The following RANBP2 variants were observed in gnomAD, a reference collection of about 807,000 sequenced individuals.
RANBP2 encodes RAN binding protein 2.
Under a neutral mutation model 303.6 loss-of-function variants are expected in RANBP2, and 57 were observed. That is an observed-to-expected ratio of 0.19 (90% CI 0.15 to 0.23). RANBP2 has a LOEUF of 0.23. Ranked by LOEUF, RANBP2 falls within the 10% of genes least tolerant of loss-of-function variation. The pLI, the probability that RANBP2 is intolerant of heterozygous loss-of-function variation, is 1.00. For missense variants in RANBP2, 3,138 were observed against 3,780.8 expected (o/e 0.83, Z 4.46); for synonymous variants, 1,167 against 1,301.5 (o/e 0.90, Z 2.23).
chr2:109,734,137 C>A, the RANBP2 span, among the ~76,000 whole-genome samples: 1 of 149,156 alleles, frequency 6.7e-6, no homozygotes. Context: ...TGAGATCATG[C>A]CATTGCACTC....
the RANBP2 span, among the ~76,000 whole-genome samples, chr2:109,683,053 T>C: frequency 6.6e-6 from 1 of 152,314 alleles, no homozygotes; most frequent in Admixed American, 6.5e-5. Context: ...TTGCCCAGGC[T>C]GGAGTGCAGT....
chr2:109,069,006 T>C, the RANBP2 span, among the ~76,000 whole-genome samples: 1 of 152,230 alleles, frequency 6.6e-6, no homozygotes, highest in African/African-American at 2.4e-5. Context: ...ATGGCACTCC[T>C]CCCTTAGACA....
chr2:109,186,737 G>A, the RANBP2 span, among the ~76,000 whole-genome samples: 1,286 of 152,252 alleles, frequency 8.4e-3, 5 homozygotes, highest in Non-Finnish European at 0.014. Context: ...TTTTCTTGGG[G>A]TACTCTGAGG....
At chr2:109,372,676 C>T in the RANBP2 span, among the ~76,000 whole-genome samples, 9 of 152,202 alleles carry the variant, frequency 5.9e-5, no homozygotes, top group Non-Finnish European at 1.5e-5. Context: ...GGCCTCTTGG[C>T]CCTAGACTCA....
the RANBP2 span, among the ~76,000 whole-genome samples, chr2:108,899,309 A>G: frequency 6.6e-6 from 1 of 152,250 alleles, no homozygotes; most frequent in Non-Finnish European, 1.5e-5. Flanking sequence ...CCAGAGTTGC[A>G]TACCAGGTTG....
At chr2:109,036,820 C>T in the RANBP2 span, among the ~76,000 whole-genome samples, 1 of 152,066 alleles carries the variant, frequency 6.6e-6, no homozygotes, top group Admixed American at 6.6e-5. Context: ...CTAGCCTGGG[C>T]AACATGGCAA....
chr2:109,117,494 A>G, the RANBP2 span, among the ~76,000 whole-genome samples: 1 of 152,242 alleles, frequency 6.6e-6, no homozygotes, highest in Non-Finnish European at 1.5e-5. Flanking sequence ...GGAAAAGTGC[A>G]GTATTAGGGT....
At chr2:109,599,271 A>G in the RANBP2 span, among the ~76,000 whole-genome samples, 2 of 152,082 alleles carry the variant, frequency 1.3e-5, no homozygotes, top group Non-Finnish European at 2.9e-5. Context: ...CAGCCTGGCC[A>G]ACATGGTGAA....
the RANBP2 span, among the ~76,000 whole-genome samples, chr2:108,844,440 C>T: frequency 1.2e-4 from 18 of 152,058 alleles, no homozygotes; most frequent in Non-Finnish European, 1.8e-4. Context: ...TCTGTGTCTT[C>T]GATGAGATTT....
chr2:109,025,224 T>G, the RANBP2 span, among the ~76,000 whole-genome samples: 43 of 152,376 alleles, frequency 2.8e-4, no homozygotes, highest in Non-Finnish European at 5.4e-4. Context: ...TATTCCATTG[T>G]GTGGACATAC....
chr2:109,698,322 C>T, the RANBP2 span, among the ~76,000 whole-genome samples: 1 of 151,466 alleles, frequency 6.6e-6, no homozygotes, highest in African/African-American at 2.4e-5. Flanking sequence ...TTCTCTTAGC[C>T]AGGTGTGGTG....
chr2:109,185,263 G>A, the RANBP2 span, among the ~76,000 whole-genome samples: 2 of 152,198 alleles, frequency 1.3e-5, no homozygotes, highest in Admixed American at 1.3e-4. Context: ...ATCAGGTAAG[G>A]CATCTTTCCT....
chr2:109,407,173 C>T, the RANBP2 span, among the ~76,000 whole-genome samples: 1 of 137,910 alleles, frequency 7.3e-6, no homozygotes, highest in East Asian at 2.0e-4. Flanking sequence ...AGGACCAGCA[C>T]CTTCATTGGC....
At chr2:109,530,840 A>C in the RANBP2 span, among the ~76,000 whole-genome samples, 6 of 152,208 alleles carry the variant, frequency 3.9e-5, no homozygotes, top group Admixed American at 2.6e-4. Flanking sequence ...TTCAAGAGGA[A>C]GGGCCGGGCC....
chr2:109,577,012 A>G, the RANBP2 span, among the ~76,000 whole-genome samples: 1 of 152,314 alleles, frequency 6.6e-6, no homozygotes, highest in African/African-American at 2.4e-5. Flanking sequence ...GTAAATTAGA[A>G]ATAATAAAAA....
At chr2:108,726,774 C>G (rs920837696) in intron 1 of RANBP2, among the ~76,000 whole-genome samples, 1 of 151,766 alleles carries the variant, frequency 6.6e-6, no homozygotes, top group African/African-American at 2.4e-5. Context: ...GGCAGAGGAC[C>G]CTGCAGCCTT....
the RANBP2 span, among the ~76,000 whole-genome samples, chr2:109,223,093 ATC>A: frequency 4.6e-5 from 7 of 152,306 alleles, no homozygotes; most frequent in East Asian, 1.4e-3. Context: ...ATGCTTCTCC[ATC>A]CCAGACAGGG....
the RANBP2 span, among the ~76,000 whole-genome samples, chr2:109,142,089 C>CTG: frequency 6.6e-6 from 1 of 152,020 alleles, no homozygotes; most frequent in Non-Finnish European, 1.5e-5. Flanking sequence ...GCTGCAGCCC[C>CTG]TGGCCTGTCC....
At chr2:109,593,762 A>G in the RANBP2 span, among the ~76,000 whole-genome samples, 2 of 152,152 alleles carry the variant, frequency 1.3e-5, no homozygotes, top group Non-Finnish European at 2.9e-5. Flanking sequence ...GGTATGTTCC[A>G]CTGCAGCGTG....
Sources: gnomAD v4.1 joint callset for allele counts (sites outside exome capture counted in the v4.1 genomes callset) on GRCh38, gnomAD v4.1.1 for gene constraint, MANE v1.5 for transcripts, NCBI Gene and HGNC (gene_info 2026-07-23, HGNC 2026-07-21) for gene names.